CPEB2: variants seen among roughly 807,000 people sequenced by gnomAD.
CPEB2 encodes the protein cytoplasmic polyadenylation element binding protein 2, also known as cytoplasmic polyadenylation element-binding protein 2.
In CPEB2, 56 loss-of-function variants were observed where a neutral mutation model predicts 93.6. The observed-to-expected ratio is 0.60, with a 90% CI of 0.48 to 0.75. The LOEUF is 0.75. Ranked by LOEUF, CPEB2 falls within the 30% of genes least tolerant of loss-of-function variation. The probability of loss-of-function intolerance (pLI) is 0.00; values close to 1 mark genes in which losing one functional copy is unlikely to be tolerated. For missense variants in CPEB2, 1,579 were observed against 1,395.1 expected, an observed-to-expected ratio of 1.13 and a Z score of -2.10; for synonymous variants, 764 against 586.3, an observed-to-expected ratio of 1.30 and a Z score of -4.38.
At chr4:15,004,363 C>G in intron 1 of CPEB2, 28 bp downstream of exon 1, 1 of 1,407,716 alleles carries the variant, frequency 7.1e-7, no homozygotes, top group Non-Finnish European at 9.2e-7. Flanking sequence ...CTGGCCGCGC[C>G]GCGGGACCGG....
intron 4 of CPEB2, among the ~76,000 whole-genome samples, chr4:15,018,936 T>TTATATATATATATATATATATA (rs56945294): frequency 7.5e-6 from 1 of 133,134 alleles, no homozygotes; most frequent in Non-Finnish European, 1.6e-5. Context: ...AAGGGGAATT[T>TTATATATATATATATATATATA]TATATATATA....
Position 15,007,573 on chromosome 4 carries a change from T to C in CPEB2, c.1931T>C (p.Leu644Pro), listed in dbSNP as rs763321562. 1 of 1,585,058 alleles carries C rather than the reference T, an allele frequency of 6.3e-7. No individual in the cohort carries two copies. The highest frequency in any genetic ancestry group is 8.6e-7 in the Non-Finnish European group (1 of 1,161,788). ...VFRTDNNSNT[L>P]LPLQVRSSLQ... ...AGAACAGACAACAATAGTAATACACTCTTACCCTTACAGGTAAGAATGGTA... is the reference window on the plus strand; with the variant it reads ...AGAACAGACAACAATAGTAATACACCCTTACCCTTACAGGTAAGAATGGTA... Residue 644 changes from leucine to proline, a missense_variant, in exon 2 of 12, where the codon CTC becomes CCC. Leu to Pro is a moderately conservative substitution (Grantham distance 98, BLOSUM62 -3). Around this residue, in one of 2 missense-constraint regions of CPEB2, gnomAD observed 1,411 missense variants for 1,056.0 expected, o/e 1.34. Transcript: ENST00000538197.
chr4:15,061,939 A>C (rs1729224830), intron 10 of CPEB2, 140 bp from the exon 11 acceptor site: 2 of 760,702 alleles, frequency 2.6e-6, no homozygotes, highest in East Asian at 2.7e-5. Context: ...GTCCTTTTTT[A>C]ACAACAGCCT....
chr4:15,063,789 T>A (rs1434132462), intron 11 of CPEB2: 1 of 152,122 alleles, frequency 6.6e-6, no homozygotes, highest in Admixed American at 6.6e-5. Flanking sequence ...AGCAACTCAG[T>A]TGCAGAGCAG....
At chr4:15,004,518 C>A (rs1382834362) in intron 1 of CPEB2, among the ~76,000 whole-genome samples, 183 bp downstream of exon 1, 1 of 152,090 alleles carries the variant, frequency 6.6e-6, no homozygotes, top group Non-Finnish European at 1.5e-5. Context: ...AACCCCAGCC[C>A]CCGGTGGGTT....
intron 11 of CPEB2, among the ~76,000 whole-genome samples, chr4:15,065,302 A>ACACT (rs1182638703): frequency 1.3e-5 from 2 of 152,176 alleles, no homozygotes; most frequent in East Asian, 3.9e-4. Context: ...GTCCTTCAGA[A>ACACT]CACTCAGTGT....
intron 3 of CPEB2, among the ~76,000 whole-genome samples, chr4:15,014,249 A>G (rs1229406196): frequency 6.6e-6 from 1 of 152,054 alleles, no homozygotes; most frequent in African/African-American, 2.4e-5. Flanking sequence ...ATTCTGTTCA[A>G]AGTTAACAAC....
At chr4:15,020,831 G>T (rs1490657151) in intron 4 of CPEB2, among the ~76,000 whole-genome samples, 1 of 152,216 alleles carries the variant, frequency 6.6e-6, no homozygotes, top group Non-Finnish European at 1.5e-5. Context: ...TACAATATAC[G>T]TATATCTACT....
Position 15,003,954 on chromosome 4 carries a change from G to GGGC in CPEB2, c.1288_1290dup (p.Gly430dup), listed in dbSNP as rs752659365. On this transcript the variant is annotated inframe_insertion, in exon 1 of 12. Transcript: ENST00000538197. Reference sequence around the variant, plus strand: ...CGCCCGGCTCGTCTGCCACCACCCCGGGCGGCGGCAGCGGCGGCTCGCTCA... The same window carrying GGGC: ...CGCCCGGCTCGTCTGCCACCACCCCGGGCGGCGGCGGCAGCGGCGGCTCGCTCA... The GGGC allele has an allele frequency of 7.5e-7, 1 of 1,325,414 alleles. No homozygotes were observed. Among genetic ancestry groups the GGGC allele is most frequent in the South Asian group, 1.9e-5 (1 of 52,186 alleles). The allele number at this position is 1,325,414 out of a possible 1,614,324, so 82.1% of individuals were successfully genotyped here. A position where few individuals can be genotyped will look rare whatever the true frequency, so the allele number is the denominator to read the frequency against.
chr4:15,014,909 G>T (rs1026095160), intron 3 of CPEB2, among the ~76,000 whole-genome samples: 2 of 152,082 alleles, frequency 1.3e-5, no homozygotes, highest in Non-Finnish European at 2.9e-5. Flanking sequence ...GCCCATATGG[G>T]CCATCCTATT....
intron 4 of CPEB2, among the ~76,000 whole-genome samples, chr4:15,030,435 A>C (rs1189937207): frequency 6.6e-6 from 1 of 152,092 alleles, no homozygotes; most frequent in East Asian, 1.9e-4. Flanking sequence ...GAAGATAATA[A>C]TACCTAACTC....
chr4:15,066,124 A>C, intron 11 of CPEB2, 29 bp from the exon 12 acceptor site: 1 of 1,569,394 alleles, frequency 6.4e-7, no homozygotes, highest in Non-Finnish European at 8.8e-7. Flanking sequence ...AGCAGACCCT[A>C]ATGAGACTTA....
intron 8 of CPEB2, among the ~76,000 whole-genome samples, chr4:15,056,166 A>G (rs1331093797): frequency 1.3e-5 from 2 of 152,220 alleles, no homozygotes; most frequent in Non-Finnish European, 2.9e-5. Context: ...AATAAATGAG[A>G]TAACAAAAAA....
At chr4:15,040,376 C>A in intron 5 of CPEB2, 88 bp from the exon 6 acceptor site, 1 of 1,242,522 alleles carries the variant, frequency 8.0e-7, no homozygotes, top group South Asian at 1.3e-5. Context: ...TTCAGATGCC[C>A]ACATAGCTTT....
chr4:15,011,627 C>A (rs2108968241), intron 3 of CPEB2, among the ~76,000 whole-genome samples: 1 of 152,136 alleles, frequency 6.6e-6, no homozygotes, highest in East Asian at 1.9e-4. Flanking sequence ...CAAGACACCA[C>A]CCCCTCTTCC....
intron 11 of CPEB2, among the ~76,000 whole-genome samples, chr4:15,065,079 C>T (rs1379794500): frequency 1.3e-5 from 2 of 152,104 alleles, no homozygotes; most frequent in Admixed American, 6.6e-5. Context: ...AATGTAATTC[C>T]ATTACCTGTC....
intron 5 of CPEB2, among the ~76,000 whole-genome samples, chr4:15,033,645 A>G (rs956885900): frequency 6.6e-6 from 1 of 152,228 alleles, no homozygotes; most frequent in East Asian, 1.9e-4. Flanking sequence ...TGGTAACTCT[A>G]TAAATATTGT....
At chr4:15,047,711 CT>C (rs1655792183) in intron 6 of CPEB2, among the ~76,000 whole-genome samples, 1 of 151,870 alleles carries the variant, frequency 6.6e-6, no homozygotes, top group African/African-American at 2.4e-5. Flanking sequence ...GTGTTCATGA[CT>C]TTAAATTATT....
chr4:15,004,622 C>T (rs933441062), intron 1 of CPEB2, among the ~76,000 whole-genome samples: 1 of 151,818 alleles, frequency 6.6e-6, no homozygotes, highest in African/African-American at 2.4e-5. Flanking sequence ...AACGTCCCGG[C>T]GCAGCAGTGG....
Sources: allele counts gnomAD v4.1 joint callset (sites outside exome capture counted in the v4.1 genomes callset), GRCh38; gene constraint gnomAD v4.1.1; regional missense constraint gnomAD v4.1.1; transcripts MANE v1.5; gene names NCBI Gene and HGNC (gene_info 2026-07-23, HGNC 2026-07-21).